Variants in GRIP1 observed in about 807,000 individuals in gnomAD.
The protein encoded by GRIP1 is glutamate receptor interacting protein 1.
In GRIP1, 45 loss-of-function variants were observed where a neutral mutation model predicts 129.9. The ratio of observed to expected loss-of-function variants is 0.35; its 90% CI spans 0.27 to 0.44. The LOEUF (loss-of-function observed/expected upper bound fraction) is 0.44, where lower values mean the gene tolerates loss of function less well. GRIP1 is among the 20% of genes least tolerant of loss of function. The probability of loss-of-function intolerance (pLI) is 1.00; values close to 1 mark genes in which losing one functional copy is unlikely to be tolerated. For missense variants in GRIP1, 1,196 were observed against 1,396.8 expected, an observed-to-expected ratio of 0.86 and a Z score of 2.29; for synonymous variants, 530 against 520.8, an observed-to-expected ratio of 1.02 and a Z score of -0.24.
intron 1 of GRIP1, among the ~76,000 whole-genome samples, chr12:66,854,076 C>T (rs1223959395): frequency 2.0e-5 from 3 of 151,978 alleles, no homozygotes; most frequent in Non-Finnish European, 4.4e-5. Flanking sequence ...TGAGCACTTT[C>T]TAGATGCCAA....
intron 1 of GRIP1, among the ~76,000 whole-genome samples, chr12:66,869,064 G>C (rs886363108): frequency 6.6e-6 from 1 of 151,950 alleles, no homozygotes. Flanking sequence ...TGCATCTCTC[G>C]TACATCTTTC....
chr12:66,409,943 T>C (rs192235834), intron 15 of GRIP1, among the ~76,000 whole-genome samples: 143 of 152,254 alleles, frequency 9.4e-4, no homozygotes, highest in Non-Finnish European at 1.7e-3. Context: ...AACAACAGAA[T>C]TGATGAAGCA....
Position 66,567,198 on chromosome 12 carries a change from T to C in GRIP1, c.137-25248A>G, listed in dbSNP as rs576479639. Reference sequence around the variant, plus strand: ...AATGTGTTTGCTCTTGCTTCTATAGTTCTTTTAATTGTGATGTTAGGGTAT... The same window carrying C: ...AATGTGTTTGCTCTTGCTTCTATAGCTCTTTTAATTGTGATGTTAGGGTAT... On this transcript the variant is annotated intron_variant, in intron 2 of 24. Coordinates refer to ENST00000359742, the MANE Select transcript of GRIP1 (RefSeq NM_001366722.1). Among the ~76,000 whole-genome samples the C allele has an allele frequency of 2.0e-5, 3 of 152,298 alleles. No individual in the cohort carries two copies. In the South Asian group the frequency reaches 6.2e-4, roughly 32 times the overall value.
At chr12:66,773,410 C>T (rs1437161894) in intron 1 of GRIP1, among the ~76,000 whole-genome samples, 1 of 152,122 alleles carries the variant, frequency 6.6e-6, no homozygotes, top group Non-Finnish European at 1.5e-5. Flanking sequence ...GGAATTGCCA[C>T]ACTGTGTGAA....
intron 2 of GRIP1, among the ~76,000 whole-genome samples, chr12:66,542,461 C>A (rs571976483): frequency 1.1e-4 from 17 of 152,290 alleles, no homozygotes; most frequent in African/African-American, 4.1e-4. Flanking sequence ...CTTTCTTTGT[C>A]TTTCAAAAAC....
intron 1 of GRIP1, among the ~76,000 whole-genome samples, chr12:66,653,353 T>C (rs1303435877): frequency 2.0e-5 from 3 of 152,188 alleles, no homozygotes; most frequent in Non-Finnish European, 2.9e-5. Context: ...GCTGAACAGC[T>C]CACATTTTTG....
intron 1 of GRIP1, among the ~76,000 whole-genome samples, chr12:66,638,465 T>A (rs984503128): frequency 6.6e-6 from 1 of 152,198 alleles, no homozygotes; most frequent in Non-Finnish European, 1.5e-5. Context: ...TTCTTCTTAA[T>A]CAAACCCCAG....
intron 1 of GRIP1, among the ~76,000 whole-genome samples, chr12:66,979,252 A>AAAAACAAC (rs772753895): frequency 3.7e-4 from 41 of 110,238 alleles, no homozygotes; most frequent in South Asian, 1.5e-3. Flanking sequence ...AAAAAAAAAA[A>AAAAACAAC]AACAAGCCCG....
intron 1 of GRIP1, among the ~76,000 whole-genome samples, chr12:66,685,638 A>T (rs906073672): frequency 1.3e-5 from 2 of 152,146 alleles, no homozygotes; most frequent in African/African-American, 4.8e-5. Context: ...CAAAAATCCA[A>T]CCCCAACCAT....
At chr12:66,639,910 A>C (rs1051205311) in intron 1 of GRIP1, among the ~76,000 whole-genome samples, 2 of 152,320 alleles carry the variant, frequency 1.3e-5, no homozygotes, top group East Asian at 3.9e-4. Context: ...CTGAGGAAAC[A>C]GAATTAAACA....
chr12:67,045,292 G>T (rs2043236842), intron 1 of GRIP1, among the ~76,000 whole-genome samples: 1 of 152,136 alleles, frequency 6.6e-6, no homozygotes. Context: ...GGACAGGAAG[G>T]GAGGGAGACA....
rs12814633 is a variant in GRIP1 at position 66,415,265 on chromosome 12, A to G, written c.1838+5455T>C. 3.1e-3 allele frequency among the ~76,000 whole-genome samples: 473 copies of G among 152,280 alleles called. 1 individual carries two copies. Among genetic ancestry groups the G allele is most frequent in the Non-Finnish European group, 5.6e-3 (379 of 68,000 alleles). On this transcript the variant is annotated intron_variant, in intron 15 of 24. Transcript: ENST00000359742. ...TAAAGGTCTGATATCCAAAGTCTAC[A>G]AAGAACTTCACTTCTCAAAAAAAGA...
intron 1 of GRIP1, among the ~76,000 whole-genome samples, chr12:66,820,992 T>A (rs2039307165): frequency 6.6e-6 from 1 of 152,146 alleles, no homozygotes; most frequent in African/African-American, 2.4e-5. Context: ...AACCTTAACA[T>A]AAACTATGGA....
chr12:66,539,671 C>T (rs942145474), intron 3 of GRIP1, among the ~76,000 whole-genome samples: 1 of 150,014 alleles, frequency 6.7e-6, no homozygotes, highest in Non-Finnish European at 1.5e-5. Flanking sequence ...TTGCTGCCTC[C>T]CTTTTGTACA....
intron 1 of GRIP1, among the ~76,000 whole-genome samples, chr12:66,617,563 C>G (rs2065096875): frequency 6.6e-6 from 1 of 151,910 alleles, no homozygotes; most frequent in African/African-American, 2.4e-5. Context: ...CTGAATATCC[C>G]ACTTTACTAC....
intron 1 of GRIP1, among the ~76,000 whole-genome samples, chr12:66,638,415 G>T (rs1341598438): frequency 6.6e-6 from 1 of 152,130 alleles, no homozygotes; most frequent in Non-Finnish European, 1.5e-5. Flanking sequence ...CCTGCCCAGG[G>T]TTACAATGTG....
intron 1 of GRIP1, among the ~76,000 whole-genome samples, chr12:66,617,204 T>C (rs2065080099): frequency 6.6e-6 from 1 of 150,514 alleles, no homozygotes; most frequent in Admixed American, 6.6e-5. Flanking sequence ...AACCTCTGTG[T>C]TGGGACCAAG....
upstream of GRIP1, among the ~76,000 whole-genome samples, chr12:66,808,107 G>A (rs1448396574): frequency 5.3e-5 from 8 of 151,924 alleles, no homozygotes; most frequent in Non-Finnish European, 1.2e-4. Context: ...TTTGCGTAGA[G>A]AGAATGGCCC....
At chr12:66,893,818 T>C (rs908356072) in intron 1 of GRIP1, among the ~76,000 whole-genome samples, 1 of 152,216 alleles carries the variant, frequency 6.6e-6, no homozygotes, top group African/African-American at 2.4e-5. Context: ...TCAAAGGTCA[T>C]GTTAAATCAC....
Sources: allele counts gnomAD v4.1 joint callset (sites outside exome capture counted in the v4.1 genomes callset), GRCh38; gene constraint gnomAD v4.1.1; transcripts MANE v1.5; gene names NCBI Gene and HGNC (gene_info 2026-07-23, HGNC 2026-07-21).